The following ZNF609 variants were observed in gnomAD, a reference collection of about 807,000 sequenced individuals.
ZNF609 encodes the protein zinc finger protein 609.
Under a neutral mutation model 109.5 loss-of-function variants are expected in ZNF609, and 11 were observed. The ratio of observed to expected loss-of-function variants is 0.10; its 90% CI spans 0.06 to 0.17. The LOEUF is 0.17. Among genes scored for constraint, ZNF609 ranks in the 10% least tolerant of loss-of-function variants. The probability of loss-of-function intolerance (pLI) is 1.00; values close to 1 mark genes in which losing one functional copy is unlikely to be tolerated. For missense variants in ZNF609, 1,559 were observed against 1,772.4 expected (o/e 0.88, Z 2.16); for synonymous variants, 646 against 662.0 (o/e 0.98, Z 0.37).
At chr15:64,540,187 A>G (rs901224490) in intron 2 of ZNF609, among the ~76,000 whole-genome samples, 5 of 152,182 alleles carry the variant, frequency 3.3e-5, no homozygotes, top group African/African-American at 1.2e-4. Context: ...TCCCCACAGC[A>G]TATTCTTGGA....
intron 3 of ZNF609, among the ~76,000 whole-genome samples, chr15:64,637,248 T>C (rs990280345): frequency 2.0e-5 from 3 of 152,218 alleles, no homozygotes; most frequent in Admixed American, 6.6e-5. Context: ...TTATTTTCAT[T>C]ATAGTATTCC....
At chr15:64,638,607 G>C (rs1896212607) in intron 3 of ZNF609, among the ~76,000 whole-genome samples, 1 of 152,008 alleles carries the variant, frequency 6.6e-6, no homozygotes, top group African/African-American at 2.4e-5. Flanking sequence ...TAAAATATAT[G>C]TTAGCTGGCC....
intron 4 of ZNF609, among the ~76,000 whole-genome samples, chr15:64,673,428 A>G (rs1427343896): frequency 6.6e-6 from 1 of 152,200 alleles, no homozygotes; most frequent in Admixed American, 6.5e-5. Flanking sequence ...ACTCTTGGTT[A>G]TATCTGATGT....
intron 3 of ZNF609, among the ~76,000 whole-genome samples, chr15:64,645,008 T>TCTTTCTTCCTTCCTTC (rs1311156425): frequency 7.1e-5 from 10 of 140,064 alleles, no homozygotes; most frequent in Non-Finnish European, 1.1e-4. Flanking sequence ...TTTCTTTCTT[T>TCTTTCTTCCTTCCTTC]CTTCCTTCCT....
chr15:64,614,712 T>C (rs189255694), intron 2 of ZNF609, among the ~76,000 whole-genome samples: 1 of 151,274 alleles, frequency 6.6e-6, no homozygotes, highest in South Asian at 2.1e-4. Flanking sequence ...TTTTAATCCC[T>C]CTGCCCTGTA....
chr15:64,540,244 A>G (rs113226980), intron 2 of ZNF609, among the ~76,000 whole-genome samples: 1 of 152,270 alleles, frequency 6.6e-6, no homozygotes, highest in Non-Finnish European at 1.5e-5. Context: ...AAGTAGGGAG[A>G]GAGATGTGGG....
chr15:64,629,532 A>G (rs900976066), intron 3 of ZNF609, among the ~76,000 whole-genome samples: 47 of 152,182 alleles, frequency 3.1e-4, no homozygotes, highest in Admixed American at 3.0e-3. Context: ...AGCTCCAGCC[A>G]TCATGTTTAC....
At chr15:64,641,415 C>G (rs1175568177) in intron 3 of ZNF609, among the ~76,000 whole-genome samples, 1 of 151,512 alleles carries the variant, frequency 6.6e-6, no homozygotes, top group Non-Finnish European at 1.5e-5. Flanking sequence ...TGGGGTTTCT[C>G]CATGTTGAGG....
chr15:64,523,323 A>G (rs1595706906), intron 2 of ZNF609, among the ~76,000 whole-genome samples: 1 of 152,174 alleles, frequency 6.6e-6, no homozygotes, highest in South Asian at 2.1e-4. Flanking sequence ...ACAGCTTCCA[A>G]TTAAAGTAAT....
intron 2 of ZNF609, among the ~76,000 whole-genome samples, chr15:64,577,150 A>ATATG (rs1175775076): frequency 7.6e-6 from 1 of 131,016 alleles, no homozygotes; most frequent in Non-Finnish European, 1.6e-5. Flanking sequence ...ATATATACAT[A>ATATG]TGTGTATATA....
chr15:64,481,903 G>A (rs1243496489), intron 1 of ZNF609, among the ~76,000 whole-genome samples: 1 of 152,102 alleles, frequency 6.6e-6, no homozygotes, highest in African/African-American at 2.4e-5. Context: ...TCCTGCCTCA[G>A]CCTCCTGAGT....
intron 2 of ZNF609, among the ~76,000 whole-genome samples, chr15:64,548,197 C>G (rs901977502): frequency 6.6e-6 from 1 of 152,136 alleles, no homozygotes; most frequent in African/African-American, 2.4e-5. Flanking sequence ...TCAACAGTTA[C>G]AAACACAAAG....
chr15:64,607,895 CTTTTTTTTT>C (rs71133457), intron 2 of ZNF609, among the ~76,000 whole-genome samples: 8 of 12,258 alleles, frequency 6.5e-4, no homozygotes, highest in Admixed American at 1.9e-3. Flanking sequence ...TCTTTTCTTT[CTTTTTTTTT>C]TTTTTTTTTT....
chr15:64,541,724 C>T (rs1398121960), intron 2 of ZNF609, among the ~76,000 whole-genome samples: 1 of 149,980 alleles, frequency 6.7e-6, no homozygotes, highest in Non-Finnish European at 1.5e-5. Context: ...CCTGTAGTCC[C>T]AGCTACTCAG....
intron 2 of ZNF609, chr15:64,529,691 T>C: frequency 1.4e-6 from 1 of 704,890 alleles, no homozygotes. Flanking sequence ...GGGATGCAGC[T>C]GCCAATGCGA....
At chr15:64,503,150 G>A (rs1406534144) in intron 2 of ZNF609, 1 of 151,896 alleles carries the variant, frequency 6.6e-6, no homozygotes, top group East Asian at 1.9e-4. Context: ...GAAATTTTCT[G>A]TCAGACAAGG....
chr15:64,555,352 G>A (rs890851912), intron 2 of ZNF609, among the ~76,000 whole-genome samples: 1 of 152,106 alleles, frequency 6.6e-6, no homozygotes, highest in Admixed American at 6.5e-5. Flanking sequence ...TGGTGACAGA[G>A]CAACACCCTG....
chr15:64,577,536 C>A (rs112891576), intron 2 of ZNF609, among the ~76,000 whole-genome samples: 1 of 40,120 alleles, frequency 2.5e-5, no homozygotes, highest in Non-Finnish European at 5.1e-5. Context: ...TAAATATATA[C>A]ATATATATGT....
At chr15:64,473,849 A>T (rs1893127639) in intron 1 of ZNF609, among the ~76,000 whole-genome samples, 1 of 152,030 alleles carries the variant, frequency 6.6e-6, no homozygotes. Context: ...ATCTCGGCTC[A>T]CTGCAACCTC....
Sources: allele counts gnomAD v4.1 joint callset (sites outside exome capture counted in the v4.1 genomes callset), GRCh38; gene constraint gnomAD v4.1.1; transcripts MANE v1.5; gene names NCBI Gene and HGNC (gene_info 2026-07-23, HGNC 2026-07-21).